The following MOSPD1 variants were observed in gnomAD, a reference collection of about 807,000 sequenced individuals.
MOSPD1 encodes the protein motile sperm domain containing 1, also known as motile sperm domain-containing protein 1.
In MOSPD1, 5 loss-of-function variants were observed where a neutral mutation model predicts 16.7. That is an observed-to-expected ratio of 0.30 (90% CI 0.16 to 0.63). The LOEUF is 0.63. Among genes scored for constraint, MOSPD1 ranks in the 30% least tolerant of loss-of-function variants. MOSPD1 has a pLI of 0.82. For synonymous variants in MOSPD1, 67 were observed against 59.2 expected (o/e 1.13, Z -0.61); for missense variants, 104 against 153.6 (o/e 0.68, Z 1.71).
intron 1 of MOSPD1, among the ~76,000 whole-genome samples, chrX:134,913,374 AAAAAATATATATATTTTTGTAG>A (rs1275585152): frequency 5.4e-5 from 6 of 111,700 alleles, no homozygotes; most frequent in African/African-American, 1.9e-4. Context: ...ACCCTGTCTC[AAAAAATATATATATTTTTGTAG>A]ACATGTAAAA....
intron 4 of MOSPD1, among the ~76,000 whole-genome samples, chrX:134,894,634 G>T (rs1410982973): frequency 1.8e-5 from 2 of 111,650 alleles, no homozygotes; most frequent in Non-Finnish European, 3.8e-5. Flanking sequence ...GGCACATTGG[G>T]GTAACTACCC....
chrX:134,901,901 C>T (rs373837039), intron 1 of MOSPD1, among the ~76,000 whole-genome samples: 4 of 111,674 alleles, frequency 3.6e-5, no homozygotes, highest in East Asian at 5.6e-4. Flanking sequence ...GAGCTGAAAG[C>T]GCCTATCAAC....
chrX:134,911,609 T>C, intron 1 of MOSPD1, among the ~76,000 whole-genome samples: 1 of 112,416 alleles, frequency 8.9e-6, no homozygotes, highest in East Asian at 2.8e-4. Context: ...TGTTTGGCAG[T>C]TCTCACTGAG....
Position 134,896,924 on chromosome X carries a change from A to G in MOSPD1, c.341T>C (p.Val114Ala), listed in dbSNP as rs1003348123. ...TTTTGCTGATGGGAGAAGAGTAGCA[A>G]CAACCTCTTTTCTTCCCAAAGCCTT... ...QRKALGRKEV[V>A]ATLLPSAKEQ... The change falls in exon 4 of 6, where the codon GTT (valine) becomes GCT (alanine). Residue 114 changes from valine (V) to alanine (A), a missense_variant. Val to Ala is a moderately conservative substitution (Grantham distance 64). Coordinates refer to ENST00000370783, the MANE Select transcript of MOSPD1 (RefSeq NM_019556.3). The G allele has an allele frequency of 2.5e-6, 3 of 1,209,644 alleles. No homozygotes were observed. Among genetic ancestry groups the G allele is most frequent in the Non-Finnish European group, 3.4e-6 (3 of 893,530 alleles).
chrX:134,891,752 A>G, intron 4 of MOSPD1, 112 bp from the exon 5 acceptor site: 2 of 746,762 alleles, frequency 2.7e-6, no homozygotes, highest in Non-Finnish European at 3.8e-6. Context: ...AACTTCTCCA[A>G]TTGTTTCCCC....
chrX:134,906,414 G>A (rs2148398834), intron 1 of MOSPD1, among the ~76,000 whole-genome samples: 1 of 107,732 alleles, frequency 9.3e-6, no homozygotes, highest in African/African-American at 3.4e-5. Flanking sequence ...TTGAACTCCT[G>A]ACCTCGTGAT....
chrX:134,915,061 A>C (rs1042875031), intron 1 of MOSPD1, 121 bp downstream of exon 1: 1 of 113,286 alleles, frequency 8.8e-6, no homozygotes, highest in African/African-American at 3.2e-5. Context: ...GCTGTCAATC[A>C]CAGAGCCAAG....
intron 1 of MOSPD1, among the ~76,000 whole-genome samples, chrX:134,903,105 C>A (rs887833060): frequency 9.2e-6 from 1 of 109,022 alleles, no homozygotes; most frequent in Non-Finnish European, 1.9e-5. Context: ...TATGCACCAT[C>A]TCATTCTAAA....
At chrX:134,891,075 G>C (rs1170355244) in intron 5 of MOSPD1, among the ~76,000 whole-genome samples, 1 of 111,320 alleles carries the variant, frequency 9.0e-6, no homozygotes, top group Non-Finnish European at 1.9e-5. Context: ...GGCTTCAAAA[G>C]TAAAGAAAAA....
At chrX:134,914,735 C>G (rs2082989710) in intron 1 of MOSPD1, among the ~76,000 whole-genome samples, 1 of 112,778 alleles carries the variant, frequency 8.9e-6, no homozygotes, top group Non-Finnish European at 1.9e-5. Flanking sequence ...GGGCAACCGG[C>G]TAGGCTGGAG....
At chrX:134,901,905 T>C (rs2082913175) in intron 1 of MOSPD1, among the ~76,000 whole-genome samples, 1 of 112,311 alleles carries the variant, frequency 8.9e-6, no homozygotes, top group Non-Finnish European at 1.9e-5. Context: ...TGAAAGCGCC[T>C]ATCAACATTT....
intron 3 of MOSPD1, among the ~76,000 whole-genome samples, chrX:134,898,205 T>C (rs754135342): frequency 5.4e-5 from 6 of 111,903 alleles, no homozygotes; most frequent in African/African-American, 1.9e-4. Flanking sequence ...ATGGGTTTTC[T>C]GCAATTCCAT....
chrX:134,889,963 T>TG (rs1411222207), intron 5 of MOSPD1, among the ~76,000 whole-genome samples: 1 of 107,047 alleles, frequency 9.3e-6, no homozygotes, highest in Admixed American at 1.0e-4. Flanking sequence ...CCCAGCTACT[T>TG]GGGAAGCTGA....
Position 134,889,531 on chromosome X carries a change from C to G in MOSPD1, c.611-339G>C, listed in dbSNP as rs149900744. 2.3e-4 allele frequency among the ~76,000 whole-genome samples: 26 copies of G among 112,190 alleles called. No individual in the cohort carries two copies. The East Asian group carries it at 4.8e-3, about 21-fold the overall frequency. On this transcript the variant is annotated intron_variant, in intron 5 of 5. Transcript: ENST00000370783. ...GGGTAAAGCCAGTGGACTTTGTTAA[C>G]AGAAGCACAAAGAGTCTACCTGTAT... is the stretch of plus-strand genomic sequence containing the variant.
intron 1 of MOSPD1, among the ~76,000 whole-genome samples, chrX:134,913,827 G>A (rs2082984939): frequency 8.9e-6 from 1 of 111,828 alleles, no homozygotes; most frequent in African/African-American, 3.3e-5. Flanking sequence ...TTCAAGAAAT[G>A]CTTCAGAAAC....
At chrX:134,894,509 A>G (rs907755163) in intron 4 of MOSPD1, among the ~76,000 whole-genome samples, 3 of 112,230 alleles carry the variant, frequency 2.7e-5, no homozygotes, top group Admixed American at 9.5e-5. Flanking sequence ...TGAGTTTTCC[A>G]CATGTTGGAA....
rs760974874 is a variant in MOSPD1 at position 134,906,474 on chromosome X, G to A, written c.-101-6940C>T. 7.3e-5 allele frequency among the ~76,000 whole-genome samples: 8 copies of A among 109,510 alleles called. No individual in the cohort carries two copies. In the East Asian group the frequency reaches 2.3e-3, roughly 31 times the overall value. On this transcript the variant is annotated intron_variant, in intron 1 of 5. Coordinates refer to ENST00000370783, the MANE Select transcript of MOSPD1 (RefSeq NM_019556.3). The stretch of plus-strand genomic sequence containing the variant: ...GGTGGGATTACAGGCATGAGCCACC[G>A]CGCCCAGCTTATCTTGGCTAAGATA...
intron 1 of MOSPD1, among the ~76,000 whole-genome samples, chrX:134,908,690 G>A (rs2082955416): frequency 8.9e-6 from 1 of 111,855 alleles, no homozygotes; most frequent in Non-Finnish European, 1.9e-5. Context: ...ACCACCTTGT[G>A]ACCAGTTTGC....
intron 4 of MOSPD1, among the ~76,000 whole-genome samples, chrX:134,894,511 A>G (rs189139792): frequency 1.8e-5 from 2 of 112,303 alleles, no homozygotes; most frequent in East Asian, 5.6e-4. Context: ...AGTTTTCCAC[A>G]TGTTGGAAAC....
Sources: allele counts gnomAD v4.1 joint callset (sites outside exome capture counted in the v4.1 genomes callset), GRCh38; gene constraint gnomAD v4.1.1; transcripts MANE v1.5; gene names NCBI Gene and HGNC (gene_info 2026-07-23, HGNC 2026-07-21).